The following RNF212 variants were observed in gnomAD, a reference collection of about 807,000 sequenced individuals.
RNF212 encodes ring finger protein 212, also known as probable E3 SUMO-protein ligase RNF212.
RNF212 carries 33 observed loss-of-function variants against 34.7 expected under a neutral mutation model. The observed-to-expected ratio is 0.95, with a 90% CI of 0.72 to 1.27. The LOEUF (loss-of-function observed/expected upper bound fraction) is 1.27. Ranked by LOEUF, RNF212 falls within the 50% of genes most tolerant of loss-of-function variation. The pLI, the probability that RNF212 is intolerant of heterozygous loss-of-function variation, is 0.00. For missense variants in RNF212, 377 were observed against 362.2 expected, an observed-to-expected ratio of 1.04 and a Z score of -0.33; for synonymous variants, 140 against 136.1, an observed-to-expected ratio of 1.03 and a Z score of -0.20.
chr4:1,066,634 G>A (rs144092139), downstream of RNF212, among the ~76,000 whole-genome samples: 35 of 152,266 alleles, frequency 2.3e-4, no homozygotes, highest in East Asian at 5.2e-3. Context: ...CCCAGGCTTT[G>A]CCCATTTTTG....
At chr4:1,062,960 C>T (rs1717845475) in intron 3 of RNF212, among the ~76,000 whole-genome samples, 1 of 152,146 alleles carries the variant, frequency 6.6e-6, no homozygotes, top group Admixed American at 6.5e-5. Flanking sequence ...TTTATAGTAG[C>T]ACCAAAATAA....
upstream of RNF212, chr4:1,113,653 G>A (rs1268372779): frequency 2.7e-5 from 13 of 485,340 alleles, no homozygotes; most frequent in Non-Finnish European, 2.2e-5. Context: ...CAGCACCTGG[G>A]AGGGCGCGTG....
At chr4:1,065,278 G>A (rs74384021) in intron 3 of RNF212, among the ~76,000 whole-genome samples, 2,271 of 152,196 alleles carry the variant, frequency 0.015, 57 homozygotes, top group African/African-American at 0.052. Context: ...ATTCCTCCGC[G>A]TCCTTAACAA....
rs753181110 is a variant in RNF212, at chr4:1,071,572, CTT to C, written c.*1300_*1301del. 6.6e-6 allele frequency: 1 copy of C among 152,168 alleles called. No individual in the cohort carries two copies. Among genetic ancestry groups the C allele is most frequent in the Admixed American group, 6.5e-5 (1 of 15,274 alleles). 9.4% of individuals were successfully genotyped at this position (152,168 alleles called of 1,614,324 possible). A position where few individuals can be genotyped will look rare whatever the true frequency, so the allele number is the denominator to read the frequency against. On this transcript the variant is annotated 3_prime_UTR_variant, in exon 10 of 10. Coordinates refer to ENST00000433731, the MANE Select transcript of RNF212 (RefSeq NM_001131034.4). ...TGTCATCCAAAATATACACAGGACT[CTT>C]AAAACTCAACAATAAGAAAACAATC...
At chr4:1,070,734 T>C (rs1718420167), downstream of RNF212, among the ~76,000 whole-genome samples, 1 of 152,258 alleles carries the variant, frequency 6.6e-6, no homozygotes, top group African/African-American at 2.4e-5. Flanking sequence ...TTTGTAAGAC[T>C]GTGTTCTTGG....
downstream of RNF212, among the ~76,000 whole-genome samples, chr4:1,066,768 A>G (rs927191942): frequency 2.5e-4 from 38 of 152,198 alleles, no homozygotes; most frequent in African/African-American, 8.2e-4. Context: ...CTCTATTGAT[A>G]GTATCTTTTG....
chr4:1,088,911 C>G (rs1029201305), intron 4 of RNF212, among the ~76,000 whole-genome samples: 1 of 152,376 alleles, frequency 6.6e-6, no homozygotes. Flanking sequence ...GAACCTCCAC[C>G]TAGATTTGAG....
chr4:1,111,911 T>C (rs1725725441), intron 1 of RNF212, among the ~76,000 whole-genome samples: 1 of 152,172 alleles, frequency 6.6e-6, no homozygotes, highest in South Asian at 2.1e-4. Flanking sequence ...ACAATGAAAG[T>C]AGATGAACTA....
At chr4:1,075,610 T>C (rs921525389) in intron 8 of RNF212, among the ~76,000 whole-genome samples, 1 of 152,260 alleles carries the variant, frequency 6.6e-6, no homozygotes, top group Admixed American at 6.5e-5. Context: ...CTGGGGATTA[T>C]AATTCCACAT....
At position 1,071,930 on chromosome 4, in the gene RNF212, G is replaced by A. The variant is rs1718538412; in HGVS notation, c.*944C>T. 1 of 152,174 alleles carries A rather than the reference G, an allele frequency of 6.6e-6. No individual in the cohort carries two copies. Among genetic ancestry groups the A allele is most frequent in the South Asian group, 2.1e-4 (1 of 4,826 alleles). The allele number at this position is 152,174 out of a possible 1,614,324, so 9.4% of individuals were successfully genotyped here. A position where few individuals can be genotyped will look rare whatever the true frequency, so the allele number is the denominator to read the frequency against. Reference sequence around the variant, plus strand: ...TCACACTCCTTAGTATTTACCCAAAGGAGCTGAAAACATGTCTACACAAAA... The same window carrying A: ...TCACACTCCTTAGTATTTACCCAAAAGAGCTGAAAACATGTCTACACAAAA... On this transcript the variant is annotated 3_prime_UTR_variant, in exon 10 of 10. Transcript: ENST00000433731.
chr4:1,077,703 G>C (rs1340023446), intron 8 of RNF212, among the ~76,000 whole-genome samples: 1 of 152,264 alleles, frequency 6.6e-6, no homozygotes, highest in African/African-American at 2.4e-5. Context: ...GCTGGAAGCA[G>C]GTGTCTGGCC....
At chr4:1,070,702 C>A (rs1458132240), downstream of RNF212, among the ~76,000 whole-genome samples, 1 of 152,132 alleles carries the variant, frequency 6.6e-6, no homozygotes, top group Non-Finnish European at 1.5e-5. Context: ...AACGTGGGTG[C>A]CTGGCCAGAG....
At chr4:1,108,287 A>G in intron 2 of RNF212, 56 bp downstream of exon 2, 1 of 1,191,506 alleles carries the variant, frequency 8.4e-7, no homozygotes, top group South Asian at 1.6e-5. Context: ...TAAATATCAA[A>G]TTTAAAAGGA....
intron 5 of RNF212, 69 bp from the exon 6 acceptor site, chr4:1,081,688 G>T (rs771966630): frequency 5.7e-6 from 6 of 1,054,100 alleles, no homozygotes; most frequent in Non-Finnish European, 8.8e-6. Context: ...CATCCCAACT[G>T]AAAGTGTAAG....
intron 3 of RNF212, among the ~76,000 whole-genome samples, chr4:1,061,367 G>A (rs1429784942): frequency 6.6e-6 from 1 of 152,210 alleles, no homozygotes; most frequent in African/African-American, 2.4e-5. Context: ...AGGACCTGGA[G>A]AGGCCCACAG....
chr4:1,083,339 G>A (rs1326095280), intron 5 of RNF212, among the ~76,000 whole-genome samples: 1 of 152,132 alleles, frequency 6.6e-6, no homozygotes, highest in South Asian at 2.1e-4. Context: ...AACTGTAATG[G>A]ACAGAACAAA....
Position 1,079,697 on chromosome 4 carries a change from C to T in RNF212, c.465-9G>A. ...CTTCCATCGACTCCAGTCTGTTAAA[C>T]ACATAGTGAAAGGCTTTGAGTGAGC... On this transcript the variant is annotated splice_polypyrimidine_tract_variant and intron_variant, in intron 7 of 9. Transcript: ENST00000433731. 6.2e-7 allele frequency: 1 copy of T among 1,607,526 alleles called. No homozygotes were observed. Among genetic ancestry groups the T allele is most frequent in the Non-Finnish European group, 8.5e-7 (1 of 1,174,082 alleles).
chr4:1,100,226 G>C (rs567084660), intron 2 of RNF212: 4 of 287,172 alleles, frequency 1.4e-5, no homozygotes, highest in African/African-American at 8.8e-5. Context: ...GTTAGGTCTT[G>C]TTTTGTGTTC....
chr4:1,059,285 C>G (rs965943525), intron 3 of RNF212, among the ~76,000 whole-genome samples: 2 of 152,230 alleles, frequency 1.3e-5, no homozygotes, highest in Admixed American at 6.5e-5. Context: ...CATCGTAACT[C>G]CTCAGTCTGC....
Sources: gnomAD v4.1 joint callset for allele counts (sites outside exome capture counted in the v4.1 genomes callset) on GRCh38, gnomAD v4.1.1 for gene constraint, MANE v1.5 for transcripts, NCBI Gene and HGNC (gene_info 2026-07-23, HGNC 2026-07-21) for gene names.